Variants in BORCS5 observed in about 807,000 individuals in gnomAD.
BORCS5 encodes the protein BLOC-1 related complex subunit 5, also known as BLOC-1-related complex subunit 5.
Under a neutral mutation model 22.1 loss-of-function variants are expected in BORCS5, and 17 were observed. The ratio of observed to expected loss-of-function variants is 0.77; its 90% CI spans 0.53 to 1.15. The LOEUF is 1.15. Among genes scored for constraint, BORCS5 ranks in the 50% most tolerant of loss-of-function variants. The pLI is 0.00. For synonymous variants in BORCS5, 117 were observed against 99.8 expected (o/e 1.17, Z -1.03); for missense variants, 247 against 253.2 (o/e 0.98, Z 0.17).
At position 12,466,365 on chromosome 12, in the gene BORCS5, C is replaced by T. The variant is rs559326624; in HGVS notation, c.*589C>T. ...ACTGTCAGGTTAGGTGTCCCTTAGT[C>T]GTCATCAGAAGCTGAAGCCTTCCTT... On this transcript the variant is annotated 3_prime_UTR_variant, in exon 4 of 4. Transcript: ENST00000314565. 3 of 152,348 alleles carry T rather than the reference C, an allele frequency of 2.0e-5. No homozygotes were observed. The highest frequency in any genetic ancestry group is 1.9e-4 in the East Asian group (1 of 5,168). 9.4% of individuals were successfully genotyped at this position (152,348 alleles called of 1,614,324 possible).
intron 2 of BORCS5, among the ~76,000 whole-genome samples, chr12:12,388,721 A>G (rs1341689255): frequency 2.0e-5 from 3 of 150,662 alleles, no homozygotes; most frequent in Non-Finnish European, 3.0e-5. Context: ...GGACCAGAGG[A>G]TGGCTGACAT....
intron 3 of BORCS5, among the ~76,000 whole-genome samples, chr12:12,444,577 C>T (rs907642839): frequency 6.6e-6 from 1 of 152,148 alleles, no homozygotes; most frequent in African/African-American, 2.4e-5. Flanking sequence ...CTATTGTGTG[C>T]CCAGGGGTAC....
intron 2 of BORCS5, among the ~76,000 whole-genome samples, chr12:12,420,027 T>C (rs1311558131): frequency 6.6e-6 from 1 of 152,136 alleles, no homozygotes; most frequent in Admixed American, 6.5e-5. Context: ...TTTCTTTTGC[T>C]GTGCAGAAGC....
chr12:12,407,602 A>G (rs183565756), intron 2 of BORCS5, among the ~76,000 whole-genome samples: 200 of 152,156 alleles, frequency 1.3e-3, no homozygotes, highest in African/African-American at 4.8e-3. Context: ...CTTCTCCGTT[A>G]TCCCAAATTG....
chr12:12,399,922 A>G (rs1444749285), intron 2 of BORCS5, among the ~76,000 whole-genome samples: 1 of 152,198 alleles, frequency 6.6e-6, no homozygotes, highest in African/African-American at 2.4e-5. Flanking sequence ...TGAAAATAAC[A>G]CAGTGCTTTA....
intron 2 of BORCS5, among the ~76,000 whole-genome samples, chr12:12,413,775 A>AG (rs1210951707): frequency 3.9e-5 from 3 of 76,204 alleles, no homozygotes; most frequent in Admixed American, 1.1e-4. Flanking sequence ...ACTTCCCAGT[A>AG]GGGGCGGCCG....
chr12:12,404,756 T>C (rs1432550975), intron 2 of BORCS5, among the ~76,000 whole-genome samples: 1 of 152,230 alleles, frequency 6.6e-6, no homozygotes. Context: ...TGGAATGCAG[T>C]GGCATCATCT....
intron 2 of BORCS5, among the ~76,000 whole-genome samples, chr12:12,431,879 A>T (rs1942439534): frequency 6.6e-6 from 1 of 151,284 alleles, no homozygotes; most frequent in South Asian, 2.1e-4. Flanking sequence ...TTTTTAGTAG[A>T]GATGGGGTTT....
intron 2 of BORCS5, among the ~76,000 whole-genome samples, chr12:12,394,293 C>T (rs1319823661): frequency 2.0e-5 from 3 of 151,620 alleles, no homozygotes; most frequent in African/African-American, 7.3e-5. Flanking sequence ...GCCACTGCAC[C>T]CCAGCTTGGG....
At chr12:12,402,307 G>T (rs1276452428) in intron 2 of BORCS5, among the ~76,000 whole-genome samples, 1 of 152,138 alleles carries the variant, frequency 6.6e-6, no homozygotes, top group Admixed American at 6.5e-5. Context: ...GGAGAAAAAA[G>T]AGTTGAGAGA....
intron 2 of BORCS5, among the ~76,000 whole-genome samples, chr12:12,383,956 G>GT (rs1863827185): frequency 6.6e-6 from 1 of 150,978 alleles, no homozygotes; most frequent in African/African-American, 2.4e-5. Context: ...CTAAGGCACT[G>GT]TTTTATTTTC....
intron 2 of BORCS5, among the ~76,000 whole-genome samples, chr12:12,370,256 C>T (rs1296756309): frequency 1.3e-5 from 2 of 151,988 alleles, no homozygotes; most frequent in Non-Finnish European, 2.9e-5. Flanking sequence ...TCTCCAGTTT[C>T]CATTTGATGT....
In BORCS5 at chr12:12,469,635, C is replaced by G. The variant is rs1943258053; in HGVS notation, c.*3859C>G. The G allele has an allele frequency of 6.6e-6, 1 of 152,302 alleles. No individual in the cohort carries two copies. The highest frequency in any genetic ancestry group is 2.1e-4 in the South Asian group (1 of 4,824). 9.4% of individuals were successfully genotyped at this position (152,302 alleles called of 1,614,324 possible). ...GCATTTCCCCTAGTAATTCCCAAGG[C>G]AAAACCAGGAATTGTCAGAGACGTG... On this transcript the variant is annotated 3_prime_UTR_variant, in exon 4 of 4. Coordinates refer to ENST00000314565, the MANE Select transcript of BORCS5 (RefSeq NM_058169.6).
intron 2 of BORCS5, among the ~76,000 whole-genome samples, chr12:12,402,061 G>A (rs1442371116): frequency 1.7e-4 from 19 of 114,760 alleles, no homozygotes; most frequent in African/African-American, 4.3e-4. Flanking sequence ...GCGAGACTCC[G>A]TCTCAAAAAA....
intron 3 of BORCS5, among the ~76,000 whole-genome samples, chr12:12,457,281 G>A (rs1347938865): frequency 6.6e-6 from 1 of 152,232 alleles, no homozygotes; most frequent in Non-Finnish European, 1.5e-5. Flanking sequence ...GGTCATGAAG[G>A]TAATCAGTCA....
At chr12:12,384,607 A>T (rs1319750460) in intron 2 of BORCS5, among the ~76,000 whole-genome samples, 3 of 150,462 alleles carry the variant, frequency 2.0e-5, no homozygotes, top group Non-Finnish European at 3.0e-5. Flanking sequence ...TTGTCTGTTC[A>T]TTGCTCTTTG....
intron 2 of BORCS5, among the ~76,000 whole-genome samples, chr12:12,383,242 C>A (rs1863812673): frequency 6.6e-6 from 1 of 151,140 alleles, no homozygotes; most frequent in African/African-American, 2.4e-5. Flanking sequence ...TAACTTAATT[C>A]TGGTAAAATA....
chr12:12,409,140 G>A (rs143521891), intron 2 of BORCS5, among the ~76,000 whole-genome samples: 3 of 151,886 alleles, frequency 2.0e-5, no homozygotes, highest in African/African-American at 7.3e-5. Flanking sequence ...GGGTGTGAGG[G>A]GGCATCTCAT....
At chr12:12,449,191 G>A (rs2136143732) in intron 3 of BORCS5, among the ~76,000 whole-genome samples, 1 of 152,316 alleles carries the variant, frequency 6.6e-6, no homozygotes, top group African/African-American at 2.4e-5. Context: ...CCACTCTGGA[G>A]GGGTTGCAGA....
Sources: allele counts gnomAD v4.1 joint callset (sites outside exome capture counted in the v4.1 genomes callset), GRCh38; gene constraint gnomAD v4.1.1; transcripts MANE v1.5; gene names NCBI Gene and HGNC (gene_info 2026-07-23, HGNC 2026-07-21).